The following RIMS1 variants were observed in gnomAD, a reference collection of about 807,000 sequenced individuals.
The protein encoded by RIMS1 is regulating synaptic membrane exocytosis protein 1.
In RIMS1, 83 loss-of-function variants were observed where a neutral mutation model predicts 214.1. The ratio of observed to expected loss-of-function variants is 0.39; its 90% CI spans 0.32 to 0.47. RIMS1 has a LOEUF of 0.47. Among genes scored for constraint, RIMS1 ranks in the 20% least tolerant of loss-of-function variants. The pLI, the probability that RIMS1 is intolerant of heterozygous loss-of-function variation, is 0.99. For missense variants in RIMS1, 2,050 were observed against 2,161.8 expected, an observed-to-expected ratio of 0.95 and a Z score of 1.03; for synonymous variants, 793 against 786.8, an observed-to-expected ratio of 1.01 and a Z score of -0.13.
intron 2 of RIMS1, among the ~76,000 whole-genome samples, chr6:72,006,803 G>C (rs1418011349): frequency 1.3e-5 from 2 of 152,238 alleles, no homozygotes; most frequent in African/African-American, 2.4e-5. Context: ...GCTGAGGTTT[G>C]AGTAGGTAAA....
At chr6:72,138,935 A>T (rs1490827050) in intron 4 of RIMS1, among the ~76,000 whole-genome samples, 1 of 152,176 alleles carries the variant, frequency 6.6e-6, no homozygotes, top group African/African-American at 2.4e-5. Flanking sequence ...ACCATGAACA[A>T]TTCTACTTTT....
At chr6:71,898,589 G>T (rs562117932) in intron 1 of RIMS1, among the ~76,000 whole-genome samples, 50 of 152,166 alleles carry the variant, frequency 3.3e-4, no homozygotes, top group African/African-American at 1.2e-3. Context: ...ATCCAACACT[G>T]GTAAATTCTC....
chr6:72,290,216 A>G (rs768328224), intron 24 of RIMS1, among the ~76,000 whole-genome samples: 1 of 152,190 alleles, frequency 6.6e-6, no homozygotes, highest in Non-Finnish European at 1.5e-5. Flanking sequence ...AATTATGAAC[A>G]TTGTAAAAAT....
chr6:72,097,408 C>T (rs915088739), intron 3 of RIMS1, among the ~76,000 whole-genome samples: 6 of 152,080 alleles, frequency 3.9e-5, no homozygotes, highest in African/African-American at 1.2e-4. Context: ...CAACAGATTA[C>T]CTGTGAGAAT....
Position 72,182,585 on chromosome 6 carries a change from G to A in RIMS1, c.1114G>A (p.Glu372Lys). The change falls in exon 6 of 34, where the codon GAG (glutamate) becomes AAG (lysine). Residue 372 changes from glutamate to lysine, a missense_variant. By Grantham distance (56) the Glu-to-Lys change is moderately conservative (BLOSUM62 1). Coordinates refer to ENST00000521978, the MANE Select transcript of RIMS1 (RefSeq NM_014989.7). The stretch of plus-strand genomic sequence containing the variant: ...GTACCCGGTGAAACCGCCGCCTGAG[G>A]AGCAGCAGATGCGCATGCACGCCCG... ...ARYPVKPPPE[E>K]QQMRMHARVS... 1.3e-6 allele frequency: 2 copies of A among 1,549,186 alleles called. No homozygotes were observed. The highest frequency in any genetic ancestry group is 1.2e-5 in the South Asian group (1 of 84,010).
chr6:72,129,355 C>T (rs1338755727), intron 4 of RIMS1, among the ~76,000 whole-genome samples: 1 of 151,950 alleles, frequency 6.6e-6, no homozygotes, highest in African/African-American at 2.4e-5. Context: ...AAGAGGTAGC[C>T]ATGTTTAGGA....
At chr6:72,223,485 A>G (rs923885885) in intron 6 of RIMS1, among the ~76,000 whole-genome samples, 3 of 152,234 alleles carry the variant, frequency 2.0e-5, no homozygotes, top group Non-Finnish European at 4.4e-5. Context: ...AGTGATTTAC[A>G]GTAGCTGCGA....
intron 1 of RIMS1, among the ~76,000 whole-genome samples, chr6:71,893,139 T>A (rs1770481807): frequency 6.6e-6 from 1 of 152,174 alleles, no homozygotes; most frequent in South Asian, 2.1e-4. Flanking sequence ...CCAGTAGTCT[T>A]TGAAGGTACT....
At chr6:72,174,813 A>T (rs1318763930) in intron 4 of RIMS1, among the ~76,000 whole-genome samples, 1 of 152,198 alleles carries the variant, frequency 6.6e-6, no homozygotes, top group East Asian at 1.9e-4. Context: ...GTGGAATGGG[A>T]AGTGATTTAC....
intron 5 of RIMS1, among the ~76,000 whole-genome samples, chr6:72,180,337 C>T (rs1425812654): frequency 6.6e-6 from 1 of 152,192 alleles, no homozygotes. Context: ...ATGCTGAGCT[C>T]TAAAGAGTGA....
At chr6:72,027,530 C>T (rs1039159899) in intron 2 of RIMS1, among the ~76,000 whole-genome samples, 3 of 151,946 alleles carry the variant, frequency 2.0e-5, no homozygotes, top group African/African-American at 7.3e-5. Context: ...TATAAATATT[C>T]CCTTTTTACA....
Position 72,392,782 on chromosome 6 carries a change from C to A in RIMS1, c.4590C>A (p.Gly1530=), listed in dbSNP as rs1376609475. Residue 1530 remains glycine (G), a synonymous_variant, in exon 31 of 34, where the codon GGC becomes GGA. Transcript: ENST00000521978. ...LDGLGPAQLV[G]RQTLATPAMG... ...GATTGGGACCAGCCCAGCTTGTTGG[C>A]CGCCAAACCCTTGCCACCCCTGCAA... 1.9e-6 allele frequency: 3 copies of A among 1,612,982 alleles called. No individual in the cohort carries two copies. Among genetic ancestry groups the A allele is most frequent in the Admixed American group, 1.7e-5 (1 of 59,950 alleles).
chr6:72,166,809 C>T lies in RIMS1; in HGVS notation c.472-12766C>T, dbSNP rs559012989. On this transcript the variant is annotated intron_variant, in intron 4 of 33. Transcript: ENST00000521978. ...ACTTAGTATCTTGCTAATTGCTAAA[C>T]TAATTTATTAGTCTCAATAGTGTTT... 2.1e-3 allele frequency among the ~76,000 whole-genome samples: 319 copies of T among 151,714 alleles called. 4 individuals are homozygous for T. The highest frequency in any genetic ancestry group is 6.9e-3 in the African/African-American group (285 of 41,440).
At chr6:72,352,644 G>C (rs2097495839) in intron 29 of RIMS1, among the ~76,000 whole-genome samples, 1 of 152,142 alleles carries the variant, frequency 6.6e-6, no homozygotes, top group African/African-American at 2.4e-5. Flanking sequence ...CAGTGGTTCA[G>C]GTGCCCAGGT....
chr6:72,375,404 C>T (rs1295808951), intron 29 of RIMS1, among the ~76,000 whole-genome samples: 1 of 152,124 alleles, frequency 6.6e-6, no homozygotes, highest in Non-Finnish European at 1.5e-5. Flanking sequence ...CCTTTCTGAT[C>T]ACTCAGTAAA....
Position 71,924,048 on chromosome 6 carries a change from A to G in RIMS1, c.164+36861A>G, listed in dbSNP as rs973416817. Reference sequence around the variant, plus strand: ...TTGCCATTGTATTCTTTTTGCCCTCACTTTCTGCTAAATTGTTTGTTTGAT... The same window carrying G: ...TTGCCATTGTATTCTTTTTGCCCTCGCTTTCTGCTAAATTGTTTGTTTGAT... On this transcript the variant is annotated intron_variant, in intron 1 of 33. Transcript: ENST00000521978. Among the ~76,000 whole-genome samples the G allele has an allele frequency of 2.6e-5, 4 of 152,176 alleles. No homozygotes were observed. In the East Asian group the frequency reaches 5.8e-4, roughly 22 times the overall value.
intron 19 of RIMS1, chr6:72,261,854 A>T (rs1330802098): frequency 1.0e-6 from 1 of 985,270 alleles, no homozygotes; most frequent in African/African-American, 1.7e-5. Flanking sequence ...AATCGAGGAA[A>T]TATTAGTTCT....
intron 29 of RIMS1, among the ~76,000 whole-genome samples, chr6:72,363,629 ATAT>A (rs1420392879): frequency 6.6e-6 from 1 of 152,180 alleles, no homozygotes; most frequent in African/African-American, 2.4e-5. Context: ...TTTTTAAAAA[ATAT>A]TATTTATTAA....
chr6:72,021,795 A>G (rs961432218), intron 2 of RIMS1, among the ~76,000 whole-genome samples: 2 of 152,100 alleles, frequency 1.3e-5, no homozygotes, highest in African/African-American at 2.4e-5. Context: ...CATGGTCCCA[A>G]GTGGCTGCTG....
Sources: gnomAD v4.1 joint callset for allele counts (sites outside exome capture counted in the v4.1 genomes callset) on GRCh38, gnomAD v4.1.1 for gene constraint, MANE v1.5 for transcripts, NCBI Gene and HGNC (gene_info 2026-07-23, HGNC 2026-07-21) for gene names.